The following CDH12 variants were observed in gnomAD, a reference collection of about 807,000 sequenced individuals.
CDH12 encodes cadherin 12, also known as cadherin-12.
A neutral mutation model predicts 74.1 loss-of-function variants in CDH12; 41 were observed. The ratio of observed to expected loss-of-function variants is 0.55; its 90% CI spans 0.43 to 0.72. CDH12 has a LOEUF of 0.72. CDH12 is among the 30% of genes least tolerant of loss of function. The pLI is 0.00. For missense variants in CDH12, 945 were observed against 977.2 expected (o/e 0.97, Z 0.44); for synonymous variants, 399 against 355.0 (o/e 1.12, Z -1.39).
intron 6 of CDH12, among the ~76,000 whole-genome samples, chr5:21,950,210 C>T (rs765339234): frequency 6.6e-6 from 1 of 152,074 alleles, no homozygotes; most frequent in Non-Finnish European, 1.5e-5. Context: ...ACCACATAAC[C>T]TAGGGTGTGT....
intron 8 of CDH12, among the ~76,000 whole-genome samples, chr5:21,820,465 CT>C (rs1403976869): frequency 1.3e-5 from 2 of 151,884 alleles, no homozygotes; most frequent in Admixed American, 6.6e-5. Context: ...GCAATGATTA[CT>C]TTTTGTGTGT....
intron 5 of CDH12, among the ~76,000 whole-genome samples, chr5:22,048,462 C>T (rs765713325): frequency 4.6e-5 from 7 of 151,994 alleles, no homozygotes; most frequent in Non-Finnish European, 8.8e-5. Flanking sequence ...GTGTTCTGGG[C>T]ATTTGCCACT....
At chr5:22,126,679 A>C (rs2150282296) in intron 4 of CDH12, among the ~76,000 whole-genome samples, 1 of 152,352 alleles carries the variant, frequency 6.6e-6, no homozygotes, top group South Asian at 2.1e-4. Context: ...CTATTCACAA[A>C]GCAGGCAATT....
At chr5:22,053,029 A>AT (rs1213229398) in intron 5 of CDH12, among the ~76,000 whole-genome samples, 2 of 151,442 alleles carry the variant, frequency 1.3e-5, no homozygotes, top group African/African-American at 4.9e-5. Context: ...ATGATGATAT[A>AT]TTTTTTTAAA....
intron 6 of CDH12, among the ~76,000 whole-genome samples, chr5:21,963,214 T>A (rs1262295099): frequency 6.6e-6 from 1 of 152,108 alleles, no homozygotes; most frequent in African/African-American, 2.4e-5. Context: ...TGCTTGCTGC[T>A]ACTGTTTGGG....
chr5:22,052,554 T>A (rs1740448340), intron 5 of CDH12, among the ~76,000 whole-genome samples: 1 of 152,140 alleles, frequency 6.6e-6, no homozygotes, highest in South Asian at 2.1e-4. Context: ...CTAGTCTATT[T>A]CACTCCTTTG....
chr5:21,988,491 C>CAAAAAAAAAAAAAA (rs1157872208), intron 5 of CDH12, among the ~76,000 whole-genome samples: 1 of 29,472 alleles, frequency 3.4e-5, no homozygotes, highest in Non-Finnish European at 9.6e-5. Flanking sequence ...GACTCCGTCT[C>CAAAAAAAAAAAAAA]AAAAAAAAAA....
At position 22,516,782 on chromosome 5, in the gene CDH12, G is replaced by A. The variant is rs115214203; in HGVS notation, c.-522-11418C>T. Among the ~76,000 whole-genome samples the A allele has an allele frequency of 5.5e-3, 831 of 152,038 alleles. 8 individuals carry two copies. The highest frequency in any genetic ancestry group is 0.019 in the African/African-American group (779 of 41,454). ...TGCACTCTAGCCTGAGGGACAGAGC[G>A]AGACCTTGTTTCAAAATAAAAATTA... is the stretch of plus-strand genomic sequence containing the variant. On this transcript the variant is annotated intron_variant, in intron 1 of 14. Transcript: ENST00000382254.
At chr5:22,116,699 T>C (rs754013640) in intron 4 of CDH12, among the ~76,000 whole-genome samples, 5 of 151,868 alleles carry the variant, frequency 3.3e-5, no homozygotes, top group Non-Finnish European at 5.9e-5. Flanking sequence ...AGCAGAAAAG[T>C]AGCCCCACCA....
intron 3 of CDH12, among the ~76,000 whole-genome samples, chr5:22,376,809 C>T (rs936980957): frequency 4.6e-5 from 7 of 151,570 alleles, no homozygotes; most frequent in Non-Finnish European, 7.4e-5. Context: ...AGACGTGAGC[C>T]GCTGTACCTA....
intron 5 of CDH12, among the ~76,000 whole-genome samples, chr5:22,071,756 GT>G (rs1207698374): frequency 2.0e-5 from 3 of 151,960 alleles, no homozygotes; most frequent in Non-Finnish European, 4.4e-5. Flanking sequence ...CTGTGTACTT[GT>G]AAGTAACTAA....
intron 4 of CDH12, among the ~76,000 whole-genome samples, chr5:22,202,147 T>TTTCTTTCCTTCCTTCC (rs1554020295): frequency 2.4e-5 from 1 of 41,060 alleles, no homozygotes; most frequent in Non-Finnish European, 5.1e-5. Context: ...CCCTCCCTAC[T>TTTCTTTCCTTCCTTCC]TTCCTTCCTT....
In CDH12 at chr5:22,412,949, T is replaced by C. The variant is rs557220301; in HGVS notation, c.-427-7598A>G. Among the ~76,000 whole-genome samples the C allele has an allele frequency of 2.6e-5, 4 of 152,102 alleles. No individual in the cohort carries two copies. The East Asian group carries it at 7.7e-4, about 29-fold the overall frequency. On this transcript the variant is annotated intron_variant, in intron 2 of 14. Coordinates refer to ENST00000382254, the MANE Select transcript of CDH12 (RefSeq NM_004061.5). ...TAAAATAGTTGATGTTCATCCATCA[T>C]CAGAATAATCCTCCTTCCAGCCTAT... is the stretch of plus-strand genomic sequence containing the variant.
At chr5:22,323,319 CAT>C (rs201339537) in intron 3 of CDH12, among the ~76,000 whole-genome samples, 1,616 of 152,172 alleles carry the variant, frequency 0.011, 16 homozygotes, top group Non-Finnish European at 0.015. Flanking sequence ...TAGATAAAAA[CAT>C]ATGTGCAGCT....
rs116775449 is a variant in CDH12, at chr5:22,794,609, C to A, written c.-523+58449G>T. ...AAATGCAATATTCACAGAAAAGGAC[C>A]AAGATTTAGAGAGAATAGAAAAAAA... On this transcript the variant is annotated intron_variant, in intron 1 of 14. Coordinates refer to ENST00000382254, the MANE Select transcript of CDH12 (RefSeq NM_004061.5). 1.8e-3 allele frequency among the ~76,000 whole-genome samples: 274 copies of A among 152,006 alleles called. 3 individuals carry two copies. Among genetic ancestry groups the A allele is most frequent in the Non-Finnish European group, 2.5e-3 (173 of 67,974 alleles).
intron 4 of CDH12, among the ~76,000 whole-genome samples, chr5:22,146,962 C>CT (rs1218353064): frequency 6.6e-6 from 1 of 152,078 alleles, no homozygotes; most frequent in Non-Finnish European, 1.5e-5. Context: ...CAGGAAGCTT[C>CT]AGACATATTG....
At chr5:22,844,388 G>A (rs1044534382) in intron 1 of CDH12, among the ~76,000 whole-genome samples, 3 of 152,024 alleles carry the variant, frequency 2.0e-5, no homozygotes, top group Admixed American at 1.3e-4. Context: ...ATTAACCTAA[G>A]TGAGCTTTCA....
chr5:22,059,379 CTATCTATCTATCTATG>C (rs372009460), intron 5 of CDH12, among the ~76,000 whole-genome samples: 11,203 of 93,150 alleles, frequency 0.12, 563 homozygotes, highest in African/African-American at 0.31. Context: ...ATCTATCTAT[CTATCTATCTATCTATG>C]TATCTACTTT....
intron 11 of CDH12, among the ~76,000 whole-genome samples, chr5:21,765,316 A>G (rs554990914): frequency 3.2e-4 from 49 of 152,226 alleles, no homozygotes; most frequent in Admixed American, 2.0e-3. Context: ...TTTAATTGAT[A>G]TTTTAGCATA....
Sources: allele counts gnomAD v4.1 joint callset (sites outside exome capture counted in the v4.1 genomes callset), GRCh38; gene constraint gnomAD v4.1.1; transcripts MANE v1.5; gene names NCBI Gene and HGNC (gene_info 2026-07-23, HGNC 2026-07-21).